The following XPC variants were observed in gnomAD, a reference collection of about 807,000 sequenced individuals.
XPC encodes DNA repair protein complementing XP-C cells.
A neutral mutation model predicts 95.8 loss-of-function variants in XPC; 76 were observed. The ratio of observed to expected loss-of-function variants is 0.79; its 90% CI spans 0.66 to 0.96. The LOEUF (loss-of-function observed/expected upper bound fraction) is 0.96, where lower values mean the gene tolerates loss of function less well. XPC is among the 40% of genes least tolerant of loss of function. The pLI, the probability that XPC is intolerant of heterozygous loss-of-function variation, is 0.00. For missense variants in XPC, 1,146 were observed against 1,179.8 expected (o/e 0.97, Z 0.42); for synonymous variants, 442 against 442.1 (o/e 1.00, Z 0.00).
intron 13 of XPC, 156 bp from the exon 14 acceptor site, chr3:14,148,157 G>A (rs1695525529): frequency 1.5e-6 from 1 of 655,738 alleles, no homozygotes; most frequent in Non-Finnish European, 2.6e-6. Context: ...CCGTGCAGAA[G>A]GCAGGCCTGT....
chr3:14,177,622 C>A (rs575516667), intron 1 of XPC, among the ~76,000 whole-genome samples: 1 of 151,482 alleles, frequency 6.6e-6, no homozygotes, highest in Admixed American at 6.6e-5. Flanking sequence ...CATGTAGTAT[C>A]TTGTAGGCCA....
chr3:14,165,857 T>C (rs1255554303), intron 5 of XPC: 3 of 392,350 alleles, frequency 7.6e-6, no homozygotes, highest in East Asian at 4.9e-5. Context: ...ACTGTTTTTG[T>C]TTTGGTCTTG....
At chr3:14,147,509 A>C (rs1013525694) in intron 14 of XPC, 130 bp from the exon 15 acceptor site, 1 of 883,786 alleles carries the variant, frequency 1.1e-6, no homozygotes, top group African/African-American at 1.7e-5. Flanking sequence ...CCTTCACACC[A>C]AGTCTCACTT....
chr3:14,166,683 C>T (rs1293586441), intron 5 of XPC, among the ~76,000 whole-genome samples: 1 of 152,216 alleles, frequency 6.6e-6, no homozygotes, highest in Non-Finnish European at 1.5e-5. Context: ...TGATCTCTTT[C>T]ACTGTTCCAG....
chr3:14,148,032 G>C, intron 13 of XPC, 31 bp from the exon 14 acceptor site: 1 of 1,530,966 alleles, frequency 6.5e-7, no homozygotes. Context: ...GTCAACCCTC[G>C]AACCTGCTGC....
At chr3:14,170,965 C>A (rs1237402952) in intron 2 of XPC, among the ~76,000 whole-genome samples, 1 of 152,206 alleles carries the variant, frequency 6.6e-6, no homozygotes, top group Non-Finnish European at 1.5e-5. Context: ...CCTACTCAGA[C>A]TTCTTTTCCA....
rs191544135 is a variant in XPC at position 14,174,142 on chromosome 3, T to C, written c.104-1080A>G. Among the ~76,000 whole-genome samples the C allele has an allele frequency of 5.4e-4, 81 of 150,560 alleles. No homozygotes were observed. The East Asian group carries it at 8.5e-3, about 16-fold the overall frequency. On this transcript the variant is annotated intron_variant, in intron 1 of 15. Coordinates refer to ENST00000285021, the MANE Select transcript of XPC (RefSeq NM_004628.5). ...GAGCATTTATTTTAATGTTAGATCA[T>C]TGATTCCGTTGTTTCTTTAAATGTT...
At chr3:14,174,890 T>C (rs1696752899) in intron 1 of XPC, among the ~76,000 whole-genome samples, 1 of 152,038 alleles carries the variant, frequency 6.6e-6, no homozygotes, top group Non-Finnish European at 1.5e-5. Context: ...CTAGAGACTC[T>C]TTTCCAGGAC....
Position 14,156,370 on chromosome 3 carries a change from G to A in XPC, c.1998C>T (p.Ile666=), listed in dbSNP as rs2125021742. Residue 666 remains isoleucine (I), a synonymous_variant, in exon 10 of 16, where the codon ATC becomes ATT. Coordinates refer to ENST00000285021, the MANE Select transcript of XPC (RefSeq NM_004628.5). ...YEAIYPETAA[I]LGYCRGEAVY... ...CCGCTTCTCCACGACAATACCCAAG[G>A]ATGGCAGCTGTCTCGGGATAGATGG... 6.2e-7 allele frequency: 1 copy of A among 1,613,902 alleles called. No homozygotes were observed. The highest frequency in any genetic ancestry group is 1.6e-4 in the Middle Eastern group (1 of 6,062).
rs1385987510 is a variant in XPC, at chr3:14,145,526, ACT to A, written c.*413_*414del. On this transcript the variant is annotated 3_prime_UTR_variant, in exon 16 of 16. Coordinates refer to ENST00000285021, the MANE Select transcript of XPC (RefSeq NM_004628.5). Reference sequence around the variant, plus strand: ...GAGTGAACTTGTCGGACAGATGAAGACTCTAACTGGAAGAAACGATCAGCGCA... The same window carrying A: ...GAGTGAACTTGTCGGACAGATGAAGACTAACTGGAAGAAACGATCAGCGCA... 1 of 700,048 alleles carries A rather than the reference ACT, an allele frequency of 1.4e-6. No homozygotes were observed. The highest frequency in any genetic ancestry group is 2.6e-6 in the Non-Finnish European group (1 of 384,610). The allele number at this position is 700,048 out of a possible 1,614,324, so 43.4% of individuals were successfully genotyped here.
intron 11 of XPC, 58 bp from the exon 12 acceptor site, chr3:14,149,006 G>T (rs1165505407): frequency 3.1e-6 from 5 of 1,602,544 alleles, no homozygotes; most frequent in African/African-American, 1.3e-5. Context: ...CTCAGCACCG[G>T]GCCAGGCACC....
At chr3:14,177,674 C>T (rs561044534) in intron 1 of XPC, among the ~76,000 whole-genome samples, 1 of 147,516 alleles carries the variant, frequency 6.8e-6, no homozygotes, top group East Asian at 2.0e-4. Context: ...AATGGAAAAC[C>T]AAGGGGAGTT....
chr3:14,168,672 A>G (rs1223099407), intron 3 of XPC, among the ~76,000 whole-genome samples: 1 of 152,166 alleles, frequency 6.6e-6, no homozygotes, highest in East Asian at 1.9e-4. Context: ...CCCCTCTATC[A>G]AAAAGCTGAC....
chr3:14,146,231 G>A (rs942325728), intron 15 of XPC, 72 bp from the exon 16 acceptor site: 3 of 1,410,394 alleles, frequency 2.1e-6, no homozygotes, highest in Non-Finnish European at 9.7e-7. Flanking sequence ...CCCATGAAGA[G>A]GCAGCAAGTT....
chr3:14,152,152 AAT>A (rs1305942480), intron 11 of XPC, 181 bp downstream of exon 11: 8 of 554,224 alleles, frequency 1.4e-5, no homozygotes, highest in Non-Finnish European at 2.2e-5. Context: ...ATGTCTTATT[AAT>A]AAGACAATTT....
chr3:14,168,713 C>A (rs868443975), intron 3 of XPC, among the ~76,000 whole-genome samples: 1 of 151,214 alleles, frequency 6.6e-6, no homozygotes, highest in South Asian at 2.1e-4. Flanking sequence ...ACTTAAAACT[C>A]TTTAAAAAAA....
chr3:14,164,625 A>T, intron 7 of XPC, 188 bp downstream of exon 7: 1 of 544,144 alleles, frequency 1.8e-6, no homozygotes. Context: ...CTCGATTCTC[A>T]GGCTCACCAA....
chr3:14,165,654 C>A, intron 5 of XPC, 69 bp from the exon 6 acceptor site: 1 of 1,568,718 alleles, frequency 6.4e-7, no homozygotes, highest in East Asian at 2.3e-5. Context: ...TTTTTGCTGC[C>A]AAAGTCAAGA....
At chr3:14,147,478 C>T in intron 14 of XPC, 99 bp from the exon 15 acceptor site, 1 of 1,168,384 alleles carries the variant, frequency 8.6e-7, no homozygotes, top group East Asian at 2.6e-5. Flanking sequence ...GATATATACA[C>T]CACTTTAGAA....
Sources: allele counts gnomAD v4.1 joint callset (sites outside exome capture counted in the v4.1 genomes callset), GRCh38; gene constraint gnomAD v4.1.1; transcripts MANE v1.5; gene names NCBI Gene and HGNC (gene_info 2026-07-23, HGNC 2026-07-21).